Variants in FAXDC2 observed in about 807,000 individuals in gnomAD.
FAXDC2 encodes the protein fatty acid hydroxylase domain-containing protein 2.
Under a neutral mutation model 40.9 loss-of-function variants are expected in FAXDC2, and 41 were observed. The ratio of observed to expected loss-of-function variants is 1.00; its 90% CI spans 0.78 to 1.30. FAXDC2 has a LOEUF of 1.30. FAXDC2 is among the 50% of genes most tolerant of loss of function. FAXDC2 has a pLI of 0.00. For synonymous variants in FAXDC2, 157 were observed against 149.3 expected (o/e 1.05, Z -0.38); for missense variants, 390 against 408.8 (o/e 0.95, Z 0.40).
intron 1 of FAXDC2, among the ~76,000 whole-genome samples, chr5:154,840,170 G>A (rs746733859): frequency 3.3e-5 from 5 of 152,134 alleles, no homozygotes; most frequent in Non-Finnish European, 5.9e-5. Flanking sequence ...GTATATGATT[G>A]TACTTAGTTT....
chr5:154,821,424 G>A lies in FAXDC2; in HGVS notation c.681C>T (p.Val227=), dbSNP rs1332053184. 6 of 1,610,724 alleles carry A rather than the reference G, an allele frequency of 3.7e-6. No individual in the cohort carries two copies. Among genetic ancestry groups the A allele is most frequent in the Non-Finnish European group, 5.1e-6 (6 of 1,178,600 alleles). Residue 227 remains valine (V), a splice_region_variant and synonymous_variant, in exon 8 of 9, where the codon GTC becomes GTT. Transcript: ENST00000326080. ...CCACTATCACCGGTAGCATGTTGGAGACCTGCAAGAGGAGGGATGATTGAA... is the reference window on the plus strand; with the variant it reads ...CCACTATCACCGGTAGCATGTTGGAAACCTGCAAGAGGAGGGATGATTGAA... ...SLYAHPIEHA[V]SNMLPVIVGP...
At chr5:154,820,607 C>G (rs1419183941) in intron 8 of FAXDC2, 135 bp from the exon 9 acceptor site, 1 of 669,836 alleles carries the variant, frequency 1.5e-6, no homozygotes, top group Non-Finnish European at 2.5e-6. Flanking sequence ...CCATCTGCAT[C>G]AGAATAAGCT....
In FAXDC2 at chr5:154,820,145, A is replaced by C. The variant is rs1436375288; in HGVS notation, c.*171T>G. ...GAGGGACATCAAGGGCAGTAGTTTG[A>C]AGAAAGCCTCATCCTTGGCCCTGCT... On this transcript the variant is annotated 3_prime_UTR_variant, in exon 9 of 9. Transcript: ENST00000326080. The C allele has an allele frequency of 3.3e-6, 2 of 603,718 alleles. No homozygotes were observed. Among genetic ancestry groups the C allele is most frequent in the Non-Finnish European group, 6.0e-6 (2 of 330,588 alleles). 37.4% of individuals were successfully genotyped at this position (603,718 alleles called of 1,614,324 possible).
intron 5 of FAXDC2, among the ~76,000 whole-genome samples, chr5:154,825,668 A>AAAAAAAAAAAAAAAAAAAAAAAAAAG (rs70981954): frequency 5.6e-5 from 8 of 143,350 alleles, no homozygotes; most frequent in African/African-American, 1.8e-4. Flanking sequence ...AAAAAAAAAA[A>AAAAAAAAAAAAAAAAAAAAAAAAAAG]GCAGTAATAT....
intron 2 of FAXDC2, among the ~76,000 whole-genome samples, chr5:154,835,716 G>C (rs951040512): frequency 2.0e-5 from 3 of 151,660 alleles, no homozygotes; most frequent in African/African-American, 7.3e-5. Flanking sequence ...GAGTAGCTGG[G>C]ACTACAGGAG....
intron 4 of FAXDC2, chr5:154,831,139 G>A: frequency 1.5e-5 from 7 of 457,618 alleles, no homozygotes; most frequent in South Asian, 3.7e-5. Flanking sequence ...CATAAAATAG[G>A]GACAACCTTC....
chr5:154,821,107 G>T (rs534823999), intron 8 of FAXDC2, 153 bp downstream of exon 8: 7 of 678,916 alleles, frequency 1.0e-5, no homozygotes, highest in Non-Finnish European at 1.8e-5. Flanking sequence ...AAAGAGTAAG[G>T]TCATCCCAGT....
At chr5:154,822,329 T>G in intron 7 of FAXDC2, 143 bp downstream of exon 7, 1 of 668,288 alleles carries the variant, frequency 1.5e-6, no homozygotes, top group Non-Finnish European at 2.7e-6. Flanking sequence ...TAGCCTGGCA[T>G]ATGGAAGGCT....
chr5:154,848,732 C>T (rs1398333961), intron 1 of FAXDC2, among the ~76,000 whole-genome samples: 2 of 152,280 alleles, frequency 1.3e-5, no homozygotes, highest in East Asian at 1.9e-4. Context: ...TTTGGGAGGC[C>T]GAGGTGGGCA....
At chr5:154,838,502 C>T (rs1172913437) in intron 1 of FAXDC2, 1 of 306,370 alleles carries the variant, frequency 3.3e-6, no homozygotes, top group Non-Finnish European at 6.0e-6. Context: ...TCTCAAACTC[C>T]TGTCTTCATT....
intron 1 of FAXDC2, among the ~76,000 whole-genome samples, chr5:154,840,900 AC>A (rs1760462308): frequency 6.6e-6 from 1 of 152,148 alleles, no homozygotes; most frequent in Admixed American, 6.5e-5. Flanking sequence ...GAGAATGGTG[AC>A]CTATAAAGTG....
intron 5 of FAXDC2, chr5:154,824,421 G>T (rs1448434610): frequency 5.8e-6 from 4 of 693,888 alleles, no homozygotes; most frequent in Non-Finnish European, 1.1e-5. Flanking sequence ...CTGCCCCAAA[G>T]CGCGACAGGT....
intron 4 of FAXDC2, among the ~76,000 whole-genome samples, chr5:154,833,725 G>A (rs1464176481): frequency 6.6e-6 from 1 of 151,298 alleles, no homozygotes; most frequent in African/African-American, 2.4e-5. Flanking sequence ...CTGGAGTGCA[G>A]TGTCATGATC....
intron 5 of FAXDC2, among the ~76,000 whole-genome samples, chr5:154,827,531 A>G (rs144822572): frequency 6.1e-4 from 90 of 148,562 alleles, no homozygotes; most frequent in Non-Finnish European, 1.0e-3. Context: ...GTTTACTTCC[A>G]TCCCATCGCG....
At chr5:154,828,292 G>GT (rs1206711204) in intron 5 of FAXDC2, among the ~76,000 whole-genome samples, 2 of 151,722 alleles carry the variant, frequency 1.3e-5, no homozygotes, top group African/African-American at 2.4e-5. Context: ...ACTTGGTGGG[G>GT]TTTTTTTTGT....
At position 154,820,250 on chromosome 5, in the gene FAXDC2, G is replaced by T; in HGVS notation, c.*66C>A. 7.4e-7 allele frequency: 1 copy of T among 1,354,974 alleles called. No individual in the cohort carries two copies. Among genetic ancestry groups the T allele is most frequent in the Non-Finnish European group, 1.0e-6 (1 of 986,072 alleles). The allele number at this position is 1,354,974 out of a possible 1,614,324, so 83.9% of individuals were successfully genotyped here. A position where few individuals can be genotyped will look rare whatever the true frequency, so the allele number is the denominator to read the frequency against. ...GGCCGAAGGAGGCAAATTGTTAGGT[G>T]CAATCAGGAAGCCGTGTCTGCATCC... On this transcript the variant is annotated 3_prime_UTR_variant, in exon 9 of 9. Transcript: ENST00000326080.
intron 4 of FAXDC2, chr5:154,831,328 C>G (rs1005191377): frequency 7.5e-5 from 12 of 159,186 alleles, no homozygotes; most frequent in Admixed American, 7.2e-4. Context: ...TCACAGTGAG[C>G]CCTGGGCTAG....
At chr5:154,839,026 T>C (rs552295161) in intron 1 of FAXDC2, 1 of 152,220 alleles carries the variant, frequency 6.6e-6, no homozygotes, top group Non-Finnish European at 1.5e-5. Context: ...AGGACAATCA[T>C]TAGAAATATG....
chr5:154,842,796 C>G (rs973947408), intron 1 of FAXDC2, among the ~76,000 whole-genome samples: 1 of 151,392 alleles, frequency 6.6e-6, no homozygotes, highest in Non-Finnish European at 1.5e-5. Flanking sequence ...TCCCAAAGTG[C>G]TGCAATTACA....
Sources: gnomAD v4.1 joint callset for allele counts (sites outside exome capture counted in the v4.1 genomes callset) on GRCh38, gnomAD v4.1.1 for gene constraint, MANE v1.5 for transcripts, NCBI Gene and HGNC (gene_info 2026-07-23, HGNC 2026-07-21) for gene names.